The following LAMA3 variants were observed in gnomAD, a reference collection of about 807,000 sequenced individuals.
The protein encoded by LAMA3 is laminin subunit alpha 3, also known as laminin subunit alpha-3.
LAMA3 carries 281 observed loss-of-function variants against 402.0 expected under a neutral mutation model. The ratio of observed to expected loss-of-function variants is 0.70; its 90% CI spans 0.63 to 0.77. LAMA3 has a LOEUF of 0.77. Among genes scored for constraint, LAMA3 ranks in the 30% least tolerant of loss-of-function variants. LAMA3 has a pLI of 0.00. For missense variants in LAMA3, 3,840 were observed against 4,215.5 expected, an observed-to-expected ratio of 0.91 and a Z score of 2.47; for synonymous variants, 1,431 against 1,558.4, an observed-to-expected ratio of 0.92 and a Z score of 1.93.
At chr18:23,863,005 GAGAGAGAGAGAGAGAA>G (rs1380056302) in intron 35 of LAMA3, among the ~76,000 whole-genome samples, 2 of 151,494 alleles carry the variant, frequency 1.3e-5, no homozygotes, top group Non-Finnish European at 3.0e-5. Context: ...GGGTGGGGGA[GAGAGAGAGAGAGAGAA>G]AGAGAGAGAG....
intron 23 of LAMA3, among the ~76,000 whole-genome samples, chr18:23,829,556 A>G (rs1306452071): frequency 1.3e-5 from 2 of 152,220 alleles, no homozygotes; most frequent in African/African-American, 4.8e-5. Flanking sequence ...CATGAATGGC[A>G]TAGCTCAGTT....
chr18:23,780,786 A>T (rs562258384), intron 11 of LAMA3, among the ~76,000 whole-genome samples: 1 of 152,308 alleles, frequency 6.6e-6, no homozygotes, highest in South Asian at 2.1e-4. Flanking sequence ...ATAGCTTGGA[A>T]AATGTTGAAG....
chr18:23,915,445 A>T, intron 59 of LAMA3, 23 bp downstream of exon 59: 1 of 1,609,032 alleles, frequency 6.2e-7, no homozygotes, highest in Non-Finnish European at 8.5e-7. Flanking sequence ...TAGAAACCAG[A>T]AACTCTGTAA....
chr18:23,903,949 C>T lies in LAMA3; in HGVS notation c.6335C>T (p.Ala2112Val), dbSNP rs773214223. 3.7e-6 allele frequency: 6 copies of T among 1,612,694 alleles called. No individual in the cohort carries two copies. The South Asian group carries it at 4.4e-5, about 12-fold the overall frequency. Residue 2112 changes from alanine to valine, a missense_variant, in exon 50 of 75, where the codon GCT (alanine) becomes GTT (valine). Around this residue, in one of 3 missense-constraint regions of LAMA3, gnomAD observed 891 missense variants for 857.5 expected, o/e 1.04. Coordinates refer to ENST00000313654, the MANE Select transcript of LAMA3 (RefSeq NM_198129.4). ...AAAAAATAGGAATATGAAAAATTAGCTGCCAGTTTAAATGAAGCAAGACAA... is the reference window on the plus strand; with the variant it reads ...AAAAAATAGGAATATGAAAAATTAGTTGCCAGTTTAAATGAAGCAAGACAA... ...EKSQKEYEKL[A>V]ASLNEARQEL... is the part of the protein sequence containing the mutation.
intron 2 of LAMA3, among the ~76,000 whole-genome samples, chr18:23,719,981 G>T (rs1486898642): frequency 6.6e-6 from 1 of 152,202 alleles, no homozygotes; most frequent in East Asian, 1.9e-4. Flanking sequence ...GGAGGCCAGG[G>T]ACTATGTCTT....
chr18:23,878,867 G>A (rs1456323304), intron 39 of LAMA3, among the ~76,000 whole-genome samples: 1 of 152,118 alleles, frequency 6.6e-6, no homozygotes, highest in Non-Finnish European at 1.5e-5. Flanking sequence ...GGAGTAGCGG[G>A]TAATGTGGGT....
chr18:23,716,072 C>G (rs917079768), intron 2 of LAMA3, among the ~76,000 whole-genome samples: 2 of 152,172 alleles, frequency 1.3e-5, no homozygotes, highest in Non-Finnish European at 2.9e-5. Flanking sequence ...CTCCTTTCAA[C>G]TATAAGTTAG....
rs750231349 is a variant in LAMA3, at chr18:23,763,542, CA to C, written c.1182+22del. 2 of 1,379,378 alleles carry C rather than the reference CA, an allele frequency of 1.4e-6. No homozygotes were observed. Among genetic ancestry groups the C allele is most frequent in the Admixed American group, 3.3e-5 (2 of 59,726 alleles). 85.4% of individuals were successfully genotyped at this position (1,379,378 alleles called of 1,614,324 possible). On this transcript the variant is annotated intron_variant, in intron 8 of 74. Coordinates refer to ENST00000313654, the MANE Select transcript of LAMA3 (RefSeq NM_198129.4). The stretch of plus-strand genomic sequence containing the variant: ...CTGTCAGGTGAGGCACTATTTAAAT[CA>C]AAGTGGATGTGTTGTCATGGGGAAT...
rs1349256556 is a variant in LAMA3 at position 23,916,611 on chromosome 18, T to C, written c.7839T>C (p.Thr2613=). ...FEGTGYARVP[T]QPHAPIPTFG... ...GTACGGGCTATGCTCGAGTTCCAAC[T>C]CAACCACATGCTCCCATCCCAACCT... The change falls in exon 60 of 75, where the codon ACT becomes ACC. Residue 2613 remains threonine (T), a synonymous_variant. Coordinates refer to ENST00000313654, the MANE Select transcript of LAMA3 (RefSeq NM_198129.4). 2.5e-6 allele frequency: 4 copies of C among 1,614,140 alleles called. No homozygotes were observed. Among genetic ancestry groups the C allele is most frequent in the Admixed American group, 1.7e-5 (1 of 60,030 alleles).
Position 23,916,798 on chromosome 18 carries a change from A to C in LAMA3, c.7923+103A>C, listed in dbSNP as rs953613044. On this transcript the variant is annotated intron_variant, in intron 60 of 74. Coordinates refer to ENST00000313654, the MANE Select transcript of LAMA3 (RefSeq NM_198129.4). Reference sequence around the variant, plus strand: ...AAATGACCCACTAGATCTGGAAAACAATGTGTAAATGTTACCTGCATCCTT... The same window carrying C: ...AAATGACCCACTAGATCTGGAAAACCATGTGTAAATGTTACCTGCATCCTT... The C allele has an allele frequency of 1.3e-5, 14 of 1,078,478 alleles. No homozygotes were observed. In the Admixed American group the frequency reaches 2.2e-4, roughly 17 times the overall value. The allele number at this position is 1,078,478 out of a possible 1,614,324, so 66.8% of individuals were successfully genotyped here.
chr18:23,914,485 G>A lies in LAMA3; in HGVS notation c.7405G>A (p.Ala2469Thr). Residue 2469 changes from alanine (A) to threonine (T), a missense_variant, in exon 57 of 75, where the codon GCT becomes ACT. Coordinates refer to ENST00000313654, the MANE Select transcript of LAMA3 (RefSeq NM_198129.4). ...TCVYNLGDRE[A>T]ELQVDQILTK... ...TGTCTACAACCTGGGGGACCGTGAG[G>A]CTGAACTCCAAGTGGACCAGATCTT... 6.2e-7 allele frequency: 1 copy of A among 1,614,154 alleles called. No individual in the cohort carries two copies.
At chr18:23,834,225 AT>A in intron 24 of LAMA3, 2 of 517,934 alleles carry the variant, frequency 3.9e-6, no homozygotes, top group East Asian at 7.1e-5. Flanking sequence ...GTACTTAGCA[AT>A]TTGGTTCAGA....
chr18:23,941,494 T>C (rs913366340), intron 68 of LAMA3, among the ~76,000 whole-genome samples: 1 of 152,170 alleles, frequency 6.6e-6, no homozygotes, highest in African/African-American at 2.4e-5. Flanking sequence ...ACAGTAAATA[T>C]AATTTTCAAC....
chr18:23,952,905 T>G, intron 73 of LAMA3, 85 bp from the exon 74 acceptor site: 1 of 1,581,568 alleles, frequency 6.3e-7, no homozygotes, highest in Non-Finnish European at 8.7e-7. Context: ...AGGTCTAGTA[T>G]GAAGGAGTTA....
In LAMA3 at chr18:23,876,285, G is replaced by A. The variant is rs774043001; in HGVS notation, c.4999-9G>A. Reference sequence around the variant, plus strand: ...TTTGTATTGATTAAACACTTTGTTTGAAAAATAGGGTTGTAGCCCTGGATA... The same window carrying A: ...TTTGTATTGATTAAACACTTTGTTTAAAAAATAGGGTTGTAGCCCTGGATA... On this transcript the variant is annotated splice_polypyrimidine_tract_variant and intron_variant, in intron 38 of 74. Coordinates refer to ENST00000313654, the MANE Select transcript of LAMA3 (RefSeq NM_198129.4). 25 of 1,589,968 alleles carry A rather than the reference G, an allele frequency of 1.6e-5. No individual in the cohort carries two copies. In the South Asian group the frequency reaches 2.5e-4, roughly 16 times the overall value.
intron 68 of LAMA3, 138 bp from the exon 69 acceptor site, chr18:23,943,650 A>G: frequency 2.7e-6 from 2 of 739,348 alleles, no homozygotes; most frequent in Non-Finnish European, 4.7e-6. Context: ...GAAACGGGTC[A>G]TTTAATCAGT....
chr18:23,848,978 C>T (rs377375476), intron 32 of LAMA3, among the ~76,000 whole-genome samples: 17 of 152,138 alleles, frequency 1.1e-4, no homozygotes, highest in Admixed American at 3.3e-4. Context: ...CTTCCTGTGG[C>T]GTTTCCCTCT....
At chr18:23,806,077 A>G (rs2062956573) in intron 12 of LAMA3, among the ~76,000 whole-genome samples, 1 of 152,244 alleles carries the variant, frequency 6.6e-6, no homozygotes, top group African/African-American at 2.4e-5. Context: ...CACCATGATC[A>G]ACTAGTCAGC....
At chr18:23,934,799 G>A (rs561187092) in intron 67 of LAMA3, among the ~76,000 whole-genome samples, 4 of 152,338 alleles carry the variant, frequency 2.6e-5, no homozygotes, top group African/African-American at 9.6e-5. Context: ...GGAGCCCGTG[G>A]CCTCTTGAGA....
Sources: allele counts gnomAD v4.1 joint callset (sites outside exome capture counted in the v4.1 genomes callset), GRCh38; gene constraint gnomAD v4.1.1; regional missense constraint gnomAD v4.1.1; transcripts MANE v1.5; gene names NCBI Gene and HGNC (gene_info 2026-07-23, HGNC 2026-07-21).